The following TRIM5 variants were observed in gnomAD, a reference collection of about 807,000 sequenced individuals.
The protein encoded by TRIM5 is tripartite motif-containing protein 5.
A neutral mutation model predicts 35.6 loss-of-function variants in TRIM5; 31 were observed. The observed-to-expected ratio is 0.87, with a 90% CI of 0.65 to 1.18. The LOEUF (loss-of-function observed/expected upper bound fraction) is 1.18. TRIM5 is among the 50% of genes most tolerant of loss of function. The probability of loss-of-function intolerance (pLI) is 0.00; values close to 1 mark genes in which losing one functional copy is unlikely to be tolerated. For missense variants in TRIM5, 609 were observed against 591.6 expected, an observed-to-expected ratio of 1.03 and a Z score of -0.31; for synonymous variants, 243 against 215.6, an observed-to-expected ratio of 1.13 and a Z score of -1.11.
At chr11:5,616,775 T>C in the TRIM5 span, among the ~76,000 whole-genome samples, 1 of 141,624 alleles carries the variant, frequency 7.1e-6, no homozygotes, top group African/African-American at 2.6e-5. Flanking sequence ...GTCTCCCTCC[T>C]GTTGCCCATG....
At chr11:5,665,766 G>A in intron 6 of TRIM5, 84 bp from the exon 7 acceptor site, 1 of 1,475,560 alleles carries the variant, frequency 6.8e-7, no homozygotes, top group Non-Finnish European at 8.9e-7. Context: ...TAGGGAAAGA[G>A]TAGGTATGCC....
Position 5,664,788 on chromosome 11 carries a change from G to A in TRIM5, c.*21C>T. 1 of 1,561,626 alleles carries A rather than the reference G, an allele frequency of 6.4e-7. No homozygotes were observed. Among genetic ancestry groups the A allele is most frequent in the Non-Finnish European group, 8.6e-7 (1 of 1,158,954 alleles). ...CTGGACAAGAGGTGCTGTACAGAAG[G>A]GGCTGAGTGTGTAAGAAGGTTCAAG... is the stretch of plus-strand genomic sequence containing the variant. On this transcript the variant is annotated 3_prime_UTR_variant, in exon 8 of 8. Transcript: ENST00000380034.
At chr11:5,603,380 C>A in the TRIM5 span, 1 of 1,614,088 alleles carries the variant, frequency 6.2e-7, no homozygotes, top group South Asian at 1.1e-5. Flanking sequence ...GAGCTCCTAA[C>A]AGAACCCCTG....
intron 7 of TRIM5, 122 bp downstream of exon 7, chr11:5,665,534 C>A: frequency 6.4e-7 from 1 of 1,562,950 alleles, no homozygotes. Context: ...TTATGTGTGT[C>A]TTGGAAGGAG....
At chr11:5,624,838 GGC>G in the TRIM5 span, 2 of 152,128 alleles carry the variant, frequency 1.3e-5, no homozygotes, top group African/African-American at 2.4e-5. Context: ...TCTGTCCAGA[GGC>G]TCTAAAGGAC....
intron 5 of TRIM5, chr11:5,666,287 G>T: frequency 1.5e-6 from 1 of 658,582 alleles, no homozygotes; most frequent in Non-Finnish European, 2.8e-6. Flanking sequence ...TGAGAACGTG[G>T]GAAGATCTTA....
the TRIM5 span, chr11:5,632,137 CT>C: frequency 7.0e-7 from 1 of 1,433,338 alleles, no homozygotes; most frequent in South Asian, 1.5e-5. Flanking sequence ...TTTTTGGTTT[CT>C]CTTCCTCATC....
the TRIM5 span, among the ~76,000 whole-genome samples, chr11:5,605,954 T>C: frequency 2.0e-5 from 3 of 152,362 alleles, no homozygotes; most frequent in Admixed American, 2.0e-4. Flanking sequence ...CTCTGGCCTC[T>C]GCTCACTAGA....
chr11:5,602,314 G>C, the TRIM5 span, among the ~76,000 whole-genome samples: 1 of 151,964 alleles, frequency 6.6e-6, no homozygotes, highest in Non-Finnish European at 1.5e-5. Context: ...ATAGTGGCAG[G>C]CACCTGTAAT....
the TRIM5 span, among the ~76,000 whole-genome samples, chr11:5,638,171 G>C: frequency 5.9e-5 from 9 of 152,324 alleles, no homozygotes; most frequent in African/African-American, 2.2e-4. Context: ...AAATTGTACT[G>C]TCATTGCAGT....
chr11:5,659,773 T>C (rs1461705126), downstream of TRIM5, among the ~76,000 whole-genome samples: 1 of 152,074 alleles, frequency 6.6e-6, no homozygotes, highest in Non-Finnish European at 1.5e-5. Flanking sequence ...TTTCAGGTAG[T>C]TAATTTGATT....
At chr11:5,645,195 T>A in the TRIM5 span, among the ~76,000 whole-genome samples, 1 of 151,508 alleles carries the variant, frequency 6.6e-6, no homozygotes, top group Non-Finnish European at 1.5e-5. Flanking sequence ...AGTTCAAGAC[T>A]GGCCTGGCCA....
chr11:5,597,730 G>C, the TRIM5 span, among the ~76,000 whole-genome samples: 1 of 152,212 alleles, frequency 6.6e-6, no homozygotes, highest in African/African-American at 2.4e-5. Flanking sequence ...TTTTTATTCT[G>C]AAAGCCATTT....
chr11:5,649,885 C>T, the TRIM5 span, among the ~76,000 whole-genome samples: 6 of 152,242 alleles, frequency 3.9e-5, no homozygotes, highest in Middle Eastern at 3.4e-3. Context: ...TGCCCCAATC[C>T]GGGAAGATAC....
At chr11:5,604,109 C>A in the TRIM5 span, among the ~76,000 whole-genome samples, 1 of 152,098 alleles carries the variant, frequency 6.6e-6, no homozygotes, top group Non-Finnish European at 1.5e-5. Flanking sequence ...AGTTCTCGTG[C>A]CTGGCCTCCC....
At chr11:5,617,880 G>A in the TRIM5 span, among the ~76,000 whole-genome samples, 1 of 152,044 alleles carries the variant, frequency 6.6e-6, no homozygotes, top group Non-Finnish European at 1.5e-5. Flanking sequence ...ACAGTGAGAT[G>A]AAAGAATTTG....
the TRIM5 span, chr11:5,604,395 T>C: frequency 7.1e-6 from 6 of 847,580 alleles, no homozygotes; most frequent in African/African-American, 7.0e-5. Flanking sequence ...AAAAGATTTG[T>C]TGGCCCTCTC....
At chr11:5,589,127 C>T in the TRIM5 span, 6 of 151,924 alleles carry the variant, frequency 3.9e-5, no homozygotes, top group African/African-American at 1.5e-4. Context: ...TGAAGTTTTT[C>T]TTTTCCTCAA....
the TRIM5 span, chr11:5,634,527 ACAC>A: frequency 7.6e-6 from 5 of 656,938 alleles, no homozygotes; most frequent in Non-Finnish European, 1.1e-5. Flanking sequence ...ACACACACAC[ACAC>A]ATATATATAT....
Sources: allele counts gnomAD v4.1 joint callset (sites outside exome capture counted in the v4.1 genomes callset), GRCh38; gene constraint gnomAD v4.1.1; transcripts MANE v1.5; gene names NCBI Gene and HGNC (gene_info 2026-07-23, HGNC 2026-07-21).